Variants in PXDNL observed in about 807,000 individuals in gnomAD.
PXDNL encodes the protein peroxidasin like.
A neutral mutation model predicts 150.8 loss-of-function variants in PXDNL; 145 were observed. The ratio of observed to expected loss-of-function variants is 0.96; its 90% CI spans 0.84 to 1.10. PXDNL has a LOEUF of 1.10. Among genes scored for constraint, PXDNL ranks in the 50% least tolerant of loss-of-function variants. PXDNL has a pLI of 0.00. For missense variants in PXDNL, 2,087 were observed against 1,873.9 expected, an observed-to-expected ratio of 1.11 and a Z score of -2.10; for synonymous variants, 757 against 725.7, an observed-to-expected ratio of 1.04 and a Z score of -0.69.
At chr8:51,576,198 CAAAA>C (rs35166901) in intron 3 of PXDNL, among the ~76,000 whole-genome samples, 2 of 109,352 alleles carry the variant, frequency 1.8e-5, no homozygotes, top group Non-Finnish European at 4.1e-5. Flanking sequence ...AACACTGCTC[CAAAA>C]AAAAAAAAAA....
chr8:51,342,873 A>G (rs577754741), intron 20 of PXDNL, among the ~76,000 whole-genome samples: 1 of 136,534 alleles, frequency 7.3e-6, no homozygotes, highest in East Asian at 2.0e-4. Flanking sequence ...GATGCTGATT[A>G]AGATTCAAAA....
At chr8:51,484,434 C>T (rs6989306) in intron 5 of PXDNL, among the ~76,000 whole-genome samples, 3 of 20,896 alleles carry the variant, frequency 1.4e-4, no homozygotes, top group South Asian at 9.1e-3. Context: ...GACTCTGTCT[C>T]GAAAAAAAAA....
At position 51,629,243 on chromosome 8, in the gene PXDNL, CA is replaced by C. The variant is rs557842740; in HGVS notation, c.236+25445del. Among the ~76,000 whole-genome samples the C allele has an allele frequency of 1.1e-4, 16 of 152,176 alleles. No individual in the cohort carries two copies. In the East Asian group the frequency reaches 3.1e-3, roughly 29 times the overall value. On this transcript the variant is annotated intron_variant, in intron 2 of 22. Coordinates refer to ENST00000356297, the MANE Select transcript of PXDNL (RefSeq NM_144651.5). ...AGTGGAGATTAAAAATATAAAAAGA[CA>C]TATTGTAGCTGAAAAATACAGTAGC...
chr8:51,652,214 A>T (rs1815054721), intron 2 of PXDNL, among the ~76,000 whole-genome samples: 1 of 152,142 alleles, frequency 6.6e-6, no homozygotes. Context: ...AATATTCTTC[A>T]TGAAAAATTT....
intron 1 of PXDNL, among the ~76,000 whole-genome samples, chr8:51,713,588 G>A (rs6473640): frequency 0.037 from 5,695 of 152,148 alleles, 344 homozygotes; most frequent in African/African-American, 0.12. Context: ...TGTATATTAA[G>A]GGCCAATTGT....
chr8:51,630,473 T>G (rs1398081236), intron 2 of PXDNL, among the ~76,000 whole-genome samples: 3 of 151,540 alleles, frequency 2.0e-5, no homozygotes, highest in Admixed American at 1.3e-4. Context: ...CGCAGCAAAA[T>G]AAAGTATCAA....
chr8:51,703,746 G>A (rs923761233), intron 1 of PXDNL, among the ~76,000 whole-genome samples: 3 of 152,138 alleles, frequency 2.0e-5, no homozygotes, highest in South Asian at 2.1e-4. Context: ...TTAATTTAAT[G>A]TGTTCATACA....
intron 4 of PXDNL, among the ~76,000 whole-genome samples, chr8:51,551,788 C>A (rs571007330): frequency 6.6e-6 from 1 of 152,210 alleles, no homozygotes; most frequent in South Asian, 2.1e-4. Flanking sequence ...GACCAAGAAC[C>A]CAAAAGCAAA....
At chr8:51,706,347 C>T (rs1816377971) in intron 1 of PXDNL, among the ~76,000 whole-genome samples, 1 of 152,042 alleles carries the variant, frequency 6.6e-6, no homozygotes, top group African/African-American at 2.4e-5. Flanking sequence ...TGGTAAGACT[C>T]TTTACCTCCA....
intron 4 of PXDNL, among the ~76,000 whole-genome samples, chr8:51,546,642 T>C (rs1335872111): frequency 6.6e-6 from 1 of 152,058 alleles, no homozygotes; most frequent in Non-Finnish European, 1.5e-5. Flanking sequence ...AGGGTGAACA[T>C]GAAGTGCAGA....
chr8:51,548,473 T>C (rs1812412130), intron 4 of PXDNL, among the ~76,000 whole-genome samples: 1 of 152,176 alleles, frequency 6.6e-6, no homozygotes, highest in South Asian at 2.1e-4. Context: ...GGAAAACTTA[T>C]CAGATTAGCA....
intron 17 of PXDNL, among the ~76,000 whole-genome samples, chr8:51,388,498 T>C (rs1462992263): frequency 1.3e-5 from 2 of 152,202 alleles, no homozygotes; most frequent in Non-Finnish European, 2.9e-5. Context: ...ATCTCGCATA[T>C]CTAGACTGAT....
intron 21 of PXDNL, among the ~76,000 whole-genome samples, chr8:51,326,097 C>T (rs1178570857): frequency 2.0e-5 from 3 of 152,256 alleles, no homozygotes; most frequent in Admixed American, 2.0e-4. Context: ...CACATTGTTC[C>T]TGGAGCCCAA....
intron 5 of PXDNL, among the ~76,000 whole-genome samples, chr8:51,497,716 C>G (rs1165068969): frequency 6.6e-6 from 1 of 152,162 alleles, no homozygotes; most frequent in African/African-American, 2.4e-5. Context: ...AAATGCAAAT[C>G]AAAACCACAA....
At chr8:51,654,618 C>A (rs1461950150) in intron 2 of PXDNL, 71 bp downstream of exon 2, 11 of 1,170,668 alleles carry the variant, frequency 9.4e-6, no homozygotes, top group African/African-American at 1.5e-5. Context: ...CTCAGAATGA[C>A]TTTCACGGTA....
Position 51,480,861 on chromosome 8 carries a change from C to T in PXDNL, c.524+2782G>A, listed in dbSNP as rs143842928. On this transcript the variant is annotated intron_variant, in intron 6 of 22. Transcript: ENST00000356297. ...TGCCATGATTGTGAGGCCTCCCTAG[C>T]CATGTGGAAATGTGAGTCCATTAAA... 3.4e-4 allele frequency among the ~76,000 whole-genome samples: 52 copies of T among 152,282 alleles called. 1 individual carries two copies. Among genetic ancestry groups the T allele is most frequent in the African/African-American group, 1.2e-3 (48 of 41,552 alleles).
At chr8:51,737,163 T>C (rs766648585) in intron 1 of PXDNL, among the ~76,000 whole-genome samples, 1 of 152,224 alleles carries the variant, frequency 6.6e-6, no homozygotes, top group Non-Finnish European at 1.5e-5. Context: ...CCAAAATGAC[T>C]ATCTCCTTAC....
At chr8:51,517,299 T>C (rs1016447486) in intron 4 of PXDNL, among the ~76,000 whole-genome samples, 3 of 152,320 alleles carry the variant, frequency 2.0e-5, no homozygotes, top group African/African-American at 7.2e-5. Flanking sequence ...CATTGTTTTA[T>C]AGCAATGAAA....
chr8:51,391,718 G>A (rs1264690422), intron 17 of PXDNL, among the ~76,000 whole-genome samples: 1 of 151,964 alleles, frequency 6.6e-6, no homozygotes. Context: ...AGTTTCTTTT[G>A]CTGTGCAGAA....
Sources: gnomAD v4.1 joint callset for allele counts (sites outside exome capture counted in the v4.1 genomes callset) on GRCh38, gnomAD v4.1.1 for gene constraint, MANE v1.5 for transcripts, NCBI Gene and HGNC (gene_info 2026-07-23, HGNC 2026-07-21) for gene names.